ANKS1B: variants seen among roughly 807,000 people sequenced by gnomAD.
The protein encoded by ANKS1B is ankyrin repeat and sterile alpha motif domain containing 1B.
ANKS1B carries 36 observed loss-of-function variants against 148.3 expected under a neutral mutation model. The ratio of observed to expected loss-of-function variants is 0.24; its 90% CI spans 0.19 to 0.32. ANKS1B has a LOEUF of 0.32. Ranked by LOEUF, ANKS1B falls within the 10% of genes least tolerant of loss-of-function variation. ANKS1B has a pLI of 1.00. For missense variants in ANKS1B, 1,157 were observed against 1,542.6 expected, an observed-to-expected ratio of 0.75 and a Z score of 4.19; for synonymous variants, 542 against 560.8, an observed-to-expected ratio of 0.97 and a Z score of 0.47.
chr12:99,629,755 T>C (rs997097834), intron 9 of ANKS1B, among the ~76,000 whole-genome samples: 1 of 152,052 alleles, frequency 6.6e-6, no homozygotes, highest in African/African-American at 2.4e-5. Context: ...GGGAGCAAAA[T>C]ATAAATAACT....
chr12:99,735,305 T>C (rs2059511077), intron 8 of ANKS1B, among the ~76,000 whole-genome samples: 1 of 151,530 alleles, frequency 6.6e-6, no homozygotes, highest in African/African-American at 2.4e-5. Flanking sequence ...ACCACAAAAA[T>C]AAAAAAGATC....
intron 14 of ANKS1B, among the ~76,000 whole-genome samples, chr12:99,233,277 A>T (rs1223502109): frequency 6.6e-6 from 1 of 152,116 alleles, no homozygotes; most frequent in Non-Finnish European, 1.5e-5. Flanking sequence ...AGTACAGTGT[A>T]TAATTTAATC....
intron 17 of ANKS1B, among the ~76,000 whole-genome samples, chr12:98,936,720 C>T (rs891748072): frequency 6.6e-6 from 1 of 152,124 alleles, no homozygotes; most frequent in Non-Finnish European, 1.5e-5. Flanking sequence ...AATATCTCCC[C>T]TACTAGATCT....
chr12:99,579,115 A>G (rs550398585), intron 9 of ANKS1B, among the ~76,000 whole-genome samples: 7 of 152,302 alleles, frequency 4.6e-5, no homozygotes, highest in African/African-American at 1.7e-4. Flanking sequence ...ACCCTATTCT[A>G]TAAATTGTGC....
Position 98,744,239 on chromosome 12 carries a change from G to A in ANKS1B, c.*1500C>T, listed in dbSNP as rs2097834314. 2 of 955,372 alleles carry A rather than the reference G, an allele frequency of 2.1e-6. No homozygotes were observed. Among genetic ancestry groups the A allele is most frequent in the African/African-American group, 3.5e-5 (2 of 56,454 alleles). 59.2% of individuals were successfully genotyped at this position (955,372 alleles called of 1,614,324 possible). On this transcript the variant is annotated 3_prime_UTR_variant, in exon 27 of 27. Coordinates refer to ENST00000683438, the MANE Select transcript of ANKS1B (RefSeq NM_001352186.2). ...TGTTCAGTTCAAGTAATTTAATATT[G>A]TATTAAAATTCTTCAACACTGAACT...
chr12:99,146,399 G>C (rs915881802), intron 15 of ANKS1B, among the ~76,000 whole-genome samples: 1 of 152,112 alleles, frequency 6.6e-6, no homozygotes, highest in African/African-American at 2.4e-5. Flanking sequence ...ATACTTCCTG[G>C]GGGAAGTGAT....
At chr12:99,180,647 T>C (rs1256534637) in intron 14 of ANKS1B, among the ~76,000 whole-genome samples, 1 of 147,916 alleles carries the variant, frequency 6.8e-6, no homozygotes, top group East Asian at 2.0e-4. Flanking sequence ...TTTTTTTTTT[T>C]AATCTGAACG....
chr12:99,235,750 G>GA (rs1380004395), intron 14 of ANKS1B, among the ~76,000 whole-genome samples: 6 of 152,148 alleles, frequency 3.9e-5, no homozygotes, highest in East Asian at 1.9e-4. Context: ...CTGTATTTCA[G>GA]AAAAAAAGTA....
Position 99,898,224 on chromosome 12 carries a change from T to A in ANKS1B, c.135-72835A>T, listed in dbSNP as rs577502125. Among the ~76,000 whole-genome samples, 24 of 152,338 alleles carry A rather than the reference T, an allele frequency of 1.6e-4. No individual in the cohort carries two copies. In the South Asian group the frequency reaches 4.8e-3, roughly 30 times the overall value. ...AGAATTAAACATTTCTATGTACTTCTTAATTTTATATACATGATCTCACCA... is the reference window on the plus strand; with the variant it reads ...AGAATTAAACATTTCTATGTACTTCATAATTTTATATACATGATCTCACCA... On this transcript the variant is annotated intron_variant, in intron 1 of 26. Transcript: ENST00000683438.
intron 25 of ANKS1B, among the ~76,000 whole-genome samples, chr12:98,765,401 T>A (rs1447491387): frequency 3.3e-5 from 5 of 151,952 alleles, no homozygotes; most frequent in African/African-American, 1.2e-4. Flanking sequence ...GTAGCTGGGA[T>A]TACAGGTGTG....
At chr12:99,021,375 G>A (rs2099945711) in intron 17 of ANKS1B, among the ~76,000 whole-genome samples, 1 of 152,092 alleles carries the variant, frequency 6.6e-6, no homozygotes, top group Non-Finnish European at 1.5e-5. Flanking sequence ...AGAAAATGAA[G>A]TTCCAGAATA....
chr12:99,572,964 A>G (rs1009512008), intron 9 of ANKS1B, among the ~76,000 whole-genome samples: 1 of 152,114 alleles, frequency 6.6e-6, no homozygotes, highest in Non-Finnish European at 1.5e-5. Context: ...AGGCATTATT[A>G]TCTTTATTCA....
At chr12:99,197,844 G>A (rs1373019424) in intron 14 of ANKS1B, among the ~76,000 whole-genome samples, 2 of 152,094 alleles carry the variant, frequency 1.3e-5, no homozygotes, top group Admixed American at 6.6e-5. Flanking sequence ...ATCTATTACA[G>A]AACTGAAAGA....
chr12:99,039,221 C>T (rs767895832), intron 17 of ANKS1B, among the ~76,000 whole-genome samples: 13 of 152,314 alleles, frequency 8.5e-5, no homozygotes, highest in Admixed American at 3.3e-4. Context: ...AAGCATTTTA[C>T]CGGACATGCC....
chr12:99,109,561 C>A (rs1026525529), intron 15 of ANKS1B, among the ~76,000 whole-genome samples: 2 of 152,136 alleles, frequency 1.3e-5, no homozygotes, highest in East Asian at 3.9e-4. Flanking sequence ...ATTTCCTCCT[C>A]TATGAAATGG....
At chr12:99,520,110 A>C (rs1056170672) in intron 9 of ANKS1B, among the ~76,000 whole-genome samples, 5 of 152,194 alleles carry the variant, frequency 3.3e-5, no homozygotes, top group Admixed American at 2.0e-4. Context: ...TACATGCCAC[A>C]ATTACAGTGC....
intron 9 of ANKS1B, among the ~76,000 whole-genome samples, chr12:99,534,442 A>C (rs146121222): frequency 6.6e-6 from 1 of 152,234 alleles, no homozygotes; most frequent in African/African-American, 2.4e-5. Flanking sequence ...AAAAATAATG[A>C]TGAATCCATA....
Position 99,778,337 on chromosome 12 carries a change from CT to C in ANKS1B, c.847+1533del, listed in dbSNP as rs1030330142. Among the ~76,000 whole-genome samples the C allele has an allele frequency of 1.3e-3, 201 of 151,910 alleles. 1 individual carries two copies. The highest frequency in any genetic ancestry group is 4.8e-3 in the African/African-American group (199 of 41,456). The stretch of plus-strand genomic sequence containing the variant: ...AGACTGGCCAACATGGTAAAACCCC[CT>C]CTCTACTAAAAATACAAAAAGTAGC... On this transcript the variant is annotated intron_variant, in intron 6 of 26. Coordinates refer to ENST00000683438, the MANE Select transcript of ANKS1B (RefSeq NM_001352186.2).
At chr12:99,060,653 T>G (rs915407357) in intron 16 of ANKS1B, among the ~76,000 whole-genome samples, 1 of 126,036 alleles carries the variant, frequency 7.9e-6, no homozygotes, top group African/African-American at 3.0e-5. Flanking sequence ...TATATACACA[T>G]CACACACACA....
Sources: allele counts gnomAD v4.1 joint callset (sites outside exome capture counted in the v4.1 genomes callset), GRCh38; gene constraint gnomAD v4.1.1; transcripts MANE v1.5; gene names NCBI Gene and HGNC (gene_info 2026-07-23, HGNC 2026-07-21).